The following DNM3 variants were observed in gnomAD, a reference collection of about 807,000 sequenced individuals.
DNM3 encodes the protein dynamin-3.
Under a neutral mutation model 101.6 loss-of-function variants are expected in DNM3, and 47 were observed. The ratio of observed to expected loss-of-function variants is 0.46; its 90% CI spans 0.37 to 0.59. The LOEUF (loss-of-function observed/expected upper bound fraction) is 0.59, where lower values mean the gene tolerates loss of function less well. Ranked by LOEUF, DNM3 falls within the 20% of genes least tolerant of loss-of-function variation. The probability of loss-of-function intolerance (pLI) is 0.00; values close to 1 mark genes in which losing one functional copy is unlikely to be tolerated. For missense variants in DNM3, 849 were observed against 1,085.7 expected, an observed-to-expected ratio of 0.78 and a Z score of 3.06; for synonymous variants, 385 against 387.9, an observed-to-expected ratio of 0.99 and a Z score of 0.09.
chr1:172,247,118 T>C (rs1393768659), intron 14 of DNM3, among the ~76,000 whole-genome samples: 3 of 152,118 alleles, frequency 2.0e-5, no homozygotes, highest in African/African-American at 7.2e-5. Context: ...ACTGAGTTCT[T>C]GGTGGCATAG....
At chr1:171,924,465 G>C (rs2040405316) in intron 2 of DNM3, among the ~76,000 whole-genome samples, 1 of 152,164 alleles carries the variant, frequency 6.6e-6, no homozygotes, top group African/African-American at 2.4e-5. Context: ...AGCATGGCTG[G>C]GGAGGTCTCA....
intron 1 of DNM3, among the ~76,000 whole-genome samples, chr1:171,897,200 T>G (rs2037890487): frequency 6.6e-6 from 1 of 152,200 alleles, no homozygotes; most frequent in Non-Finnish European, 1.5e-5. Flanking sequence ...CTGCTGAATT[T>G]CACGAATCAG....
chr1:171,943,969 A>G (rs114400367), intron 2 of DNM3, among the ~76,000 whole-genome samples: 1,818 of 152,310 alleles, frequency 0.012, 26 homozygotes, highest in African/African-American at 0.042. Context: ...TAAATTCAAT[A>G]AAGTATATTT....
At position 172,033,318 on chromosome 1, in the gene DNM3, G is replaced by A. The variant is rs192599151; in HGVS notation, c.849+53G>A. On this transcript the variant is annotated intron_variant, in intron 6 of 20. Coordinates refer to ENST00000627582, the MANE Select transcript of DNM3 (RefSeq NM_015569.5). ...ACAATTATGAAATATGTAAGTAGGT[G>A]CTGGAATTCATATTTATTATTTTTA... 4 of 1,471,346 alleles carry A rather than the reference G, an allele frequency of 2.7e-6. No homozygotes were observed. The East Asian group carries it at 7.6e-5, about 28-fold the overall frequency. 91.1% of individuals were successfully genotyped at this position (1,471,346 alleles called of 1,614,324 possible). A position where few individuals can be genotyped will look rare whatever the true frequency, so the allele number is the denominator to read the frequency against.
At chr1:172,405,712 A>G (rs1166239931) in intron 20 of DNM3, among the ~76,000 whole-genome samples, 1 of 151,896 alleles carries the variant, frequency 6.6e-6, no homozygotes, top group Non-Finnish European at 1.5e-5. Context: ...CTCTCCTCCC[A>G]CCAGCCAACT....
chr1:172,266,949 ATG>A (rs376226552), intron 15 of DNM3, among the ~76,000 whole-genome samples: 10 of 152,238 alleles, frequency 6.6e-5, no homozygotes, highest in African/African-American at 1.9e-4. Context: ...CCCACTAGAT[ATG>A]AGACCAATTG....
At chr1:171,949,444 C>T (rs2125446926) in intron 2 of DNM3, among the ~76,000 whole-genome samples, 1 of 152,320 alleles carries the variant, frequency 6.6e-6, no homozygotes, top group Admixed American at 6.5e-5. Flanking sequence ...GGCTCTCCTG[C>T]TGTCAGCCAA....
intron 4 of DNM3, among the ~76,000 whole-genome samples, chr1:172,007,959 G>A (rs2046807579): frequency 6.6e-6 from 1 of 151,802 alleles, no homozygotes; most frequent in South Asian, 2.1e-4. Context: ...AATTATTGAC[G>A]TTGAGCATTT....
chr1:172,373,433 T>C (rs1255597473), intron 17 of DNM3, among the ~76,000 whole-genome samples: 2 of 152,120 alleles, frequency 1.3e-5, no homozygotes, highest in Non-Finnish European at 2.9e-5. Context: ...CCTCACGTAA[T>C]ACTTACAAAT....
chr1:171,927,817 A>G (rs1036954942), intron 2 of DNM3, among the ~76,000 whole-genome samples: 5 of 152,132 alleles, frequency 3.3e-5, no homozygotes, highest in Non-Finnish European at 5.9e-5. Flanking sequence ...GTTTGTGTCC[A>G]TATTCTGAAT....
intron 2 of DNM3, among the ~76,000 whole-genome samples, chr1:171,968,122 A>G (rs1437155196): frequency 6.6e-6 from 1 of 152,184 alleles, no homozygotes; most frequent in African/African-American, 2.4e-5. Context: ...AGAGCAAATG[A>G]AGATGCTTTG....
At chr1:171,929,539 T>A (rs1558281828) in intron 2 of DNM3, among the ~76,000 whole-genome samples, 1 of 152,036 alleles carries the variant, frequency 6.6e-6, no homozygotes, top group Non-Finnish European at 1.5e-5. Context: ...GGAAGGGGAC[T>A]GGGGACCTGC....
chr1:172,195,602 A>G (rs1005527775), intron 14 of DNM3, among the ~76,000 whole-genome samples: 2 of 151,806 alleles, frequency 1.3e-5, no homozygotes, highest in Admixed American at 6.6e-5. Flanking sequence ...GTTCCCTTCT[A>G]TTCTTAGTTT....
At chr1:172,256,503 T>C (rs1301596048) in intron 15 of DNM3, among the ~76,000 whole-genome samples, 1 of 152,100 alleles carries the variant, frequency 6.6e-6, no homozygotes, top group Non-Finnish European at 1.5e-5. Flanking sequence ...TATTTCTTAA[T>C]ATTTTATTTT....
chr1:172,368,939 T>C (rs772214407), intron 17 of DNM3, among the ~76,000 whole-genome samples: 1 of 151,810 alleles, frequency 6.6e-6, no homozygotes, highest in Non-Finnish European at 1.5e-5. Context: ...CAGGAAGAAA[T>C]GGAAAACTTG....
intron 14 of DNM3, among the ~76,000 whole-genome samples, chr1:172,217,803 G>A (rs1472890825): frequency 6.6e-6 from 1 of 152,086 alleles, no homozygotes; most frequent in Non-Finnish European, 1.5e-5. Flanking sequence ...GTATGGGATG[G>A]TTGTGGGAGG....
At chr1:172,346,390 A>T (rs756333505) in intron 17 of DNM3, among the ~76,000 whole-genome samples, 28 of 152,206 alleles carry the variant, frequency 1.8e-4, no homozygotes, top group Non-Finnish European at 3.1e-4. Context: ...AGGTAGACAG[A>T]GAGCAAATCG....
intron 13 of DNM3, among the ~76,000 whole-genome samples, chr1:172,120,527 A>G (rs1033504331): frequency 5.9e-5 from 9 of 152,182 alleles, no homozygotes; most frequent in African/African-American, 2.2e-4. Flanking sequence ...ATTTCTTCAC[A>G]TAAATTACAT....
chr1:172,161,734 A>C (rs911914781), intron 14 of DNM3, among the ~76,000 whole-genome samples: 1 of 152,038 alleles, frequency 6.6e-6, no homozygotes, highest in East Asian at 1.9e-4. Flanking sequence ...AAAATAAATT[A>C]GATTTCAGGG....
Sources: allele counts gnomAD v4.1 joint callset (sites outside exome capture counted in the v4.1 genomes callset), GRCh38; gene constraint gnomAD v4.1.1; transcripts MANE v1.5; gene names NCBI Gene and HGNC (gene_info 2026-07-23, HGNC 2026-07-21).